PRRC2C: variants seen among roughly 807,000 people sequenced by gnomAD.
PRRC2C encodes the protein proline rich coiled-coil 2C.
A neutral mutation model predicts 317.2 loss-of-function variants in PRRC2C; 72 were observed. The ratio of observed to expected loss-of-function variants is 0.23; its 90% CI spans 0.19 to 0.28. PRRC2C has a LOEUF of 0.28. Among genes scored for constraint, PRRC2C ranks in the 10% least tolerant of loss-of-function variants. The pLI, the probability that PRRC2C is intolerant of heterozygous loss-of-function variation, is 1.00. For missense variants in PRRC2C, 3,074 were observed against 3,459.7 expected (o/e 0.89, Z 2.80); for synonymous variants, 1,296 against 1,205.9 (o/e 1.07, Z -1.55).
In PRRC2C at chr1:171,559,693, G is replaced by A. The variant is rs190388026; in HGVS notation, c.6032-1325G>A. 9.2e-4 allele frequency among the ~76,000 whole-genome samples: 139 copies of A among 151,794 alleles called. 1 individual carries two copies. The highest frequency in any genetic ancestry group is 1.1e-3 in the Non-Finnish European group (76 of 67,898). The stretch of plus-strand genomic sequence containing the variant: ...CACGTCACCATGCCTGGCTAATTTT[G>A]TATTTTTCATAGAGACGGGGTTTTG... On this transcript the variant is annotated intron_variant, in intron 19 of 34. Transcript: ENST00000647382.
chr1:171,486,161 A>G (rs1666049090), intron 1 of PRRC2C, among the ~76,000 whole-genome samples: 1 of 146,304 alleles, frequency 6.8e-6, no homozygotes, highest in Non-Finnish European at 1.5e-5. Context: ...CAAACAACTG[A>G]AGGACTCAGC....
At chr1:171,507,421 A>G (rs888463162) in intron 1 of PRRC2C, among the ~76,000 whole-genome samples, 8 of 152,050 alleles carry the variant, frequency 5.3e-5, no homozygotes, top group African/African-American at 1.9e-4. Flanking sequence ...GACCACCCTG[A>G]CCAACATGGT....
chr1:171,568,202 T>C, intron 22 of PRRC2C, 45 bp from the exon 23 acceptor site: 1 of 1,532,556 alleles, frequency 6.5e-7, no homozygotes, highest in South Asian at 1.2e-5. Flanking sequence ...AAGTGAGCAA[T>C]TAATTCAGTT....
chr1:171,524,792 T>C lies in PRRC2C; in HGVS notation c.1056-29T>C, dbSNP rs369595347. On this transcript the variant is annotated intron_variant, in intron 9 of 34. Coordinates refer to ENST00000647382, the MANE Select transcript of PRRC2C (RefSeq NM_001387844.1). ...TGTACTTATGATACAGTTGGTCCAC[T>C]TTATTTCTTCTGCATTTTGATTTTT... 78 of 1,526,604 alleles carry C rather than the reference T, an allele frequency of 5.1e-5. No individual in the cohort carries two copies. The African/African-American group carries it at 1.0e-3, about 21-fold the overall frequency. The allele number at this position is 1,526,604 out of a possible 1,614,324, so 94.6% of individuals were successfully genotyped here.
intron 24 of PRRC2C, among the ~76,000 whole-genome samples, chr1:171,572,848 A>G (rs1685015024): frequency 6.6e-6 from 1 of 152,226 alleles, no homozygotes; most frequent in East Asian, 1.9e-4. Context: ...TAACATTCCA[A>G]GAAGAAATAT....
intron 34 of PRRC2C, chr1:171,591,264 A>G: frequency 1.0e-6 from 1 of 969,914 alleles, no homozygotes; most frequent in Non-Finnish European, 1.3e-6. Flanking sequence ...ATTGATAACT[A>G]GAAGTTTTAA....
In PRRC2C at chr1:171,579,415, G is replaced by A. The variant is rs762368410; in HGVS notation, c.7221G>A (p.Leu2407=). 2.0e-5 allele frequency: 32 copies of A among 1,613,682 alleles called. No homozygotes were observed. The highest frequency in any genetic ancestry group is 1.0e-4 in the Admixed American group (6 of 60,006). The change falls in exon 27 of 35, where the codon TTG becomes TTA. Residue 2407 remains leucine (L), a synonymous_variant. Transcript: ENST00000647382. ...SHLFNTQHAR[L]APPSLAQQQG... is the part of the protein sequence containing the mutation. ...TATTCAATACCCAACATGCACGATT[G>A]GCTCCGCCATCCTTGGCTCAACAAC...
At chr1:171,563,352 ATTG>A (rs1305501260) in intron 20 of PRRC2C, among the ~76,000 whole-genome samples, 1 of 152,180 alleles carries the variant, frequency 6.6e-6, no homozygotes, top group Non-Finnish European at 1.5e-5. Flanking sequence ...TGCTATGTAA[ATTG>A]TTGTTATACC....
At chr1:171,549,593 A>T (rs1679802534) in intron 17 of PRRC2C, among the ~76,000 whole-genome samples, 1 of 151,760 alleles carries the variant, frequency 6.6e-6, no homozygotes, top group South Asian at 2.1e-4. Context: ...ACAGAGTCGC[A>T]CTCTGTCACC....
Position 171,542,183 on chromosome 1 carries a change from A to G in PRRC2C, c.4717A>G (p.Arg1573Gly). 6.3e-7 allele frequency: 1 copy of G among 1,592,396 alleles called. No homozygotes were observed. Among genetic ancestry groups the G allele is most frequent in the Non-Finnish European group, 8.5e-7 (1 of 1,171,236 alleles). Residue 1573 changes from arginine to glycine, a missense_variant, in exon 16 of 35, where the codon AGA (arginine) becomes GGA (glycine). By Grantham distance (125) the Arg-to-Gly change is moderately radical. Transcript: ENST00000647382. ...PKSGRNFSGP[R>G]NERRSGPPSK... ...ATCAGGAAGGAATTTCTCAGGTCCT[A>G]GAAATGAAAGGAGAAGTGGCCCACC...
At chr1:171,572,044 T>A (rs1229026143) in intron 24 of PRRC2C, among the ~76,000 whole-genome samples, 1 of 152,122 alleles carries the variant, frequency 6.6e-6, no homozygotes, top group African/African-American at 2.4e-5. Flanking sequence ...ATGTTAATGA[T>A]TTTTTACAGT....
chr1:171,554,981 C>T (rs1003804854), intron 18 of PRRC2C, among the ~76,000 whole-genome samples: 2 of 152,028 alleles, frequency 1.3e-5, no homozygotes, highest in Non-Finnish European at 2.9e-5. Context: ...TGGTGTTCTC[C>T]GTGTTTCCTG....
At chr1:171,543,080 A>G (rs1175296836) in intron 16 of PRRC2C, among the ~76,000 whole-genome samples, 2 of 149,364 alleles carry the variant, frequency 1.3e-5, no homozygotes, top group South Asian at 2.2e-4. Flanking sequence ...TTTTTTAACT[A>G]TTCAGATGTT....
intron 11 of PRRC2C, among the ~76,000 whole-genome samples, chr1:171,530,145 TG>T (rs1170940913): frequency 1.3e-5 from 2 of 151,842 alleles, no homozygotes; most frequent in Non-Finnish European, 2.9e-5. Flanking sequence ...GAAAAGCAGC[TG>T]GTCAGTTGGA....
chr1:171,514,015 C>T (rs888427937), intron 3 of PRRC2C, among the ~76,000 whole-genome samples: 5 of 152,134 alleles, frequency 3.3e-5, no homozygotes, highest in African/African-American at 1.2e-4. Context: ...TAAAACTGTA[C>T]ACCCTTTCAA....
At chr1:171,549,996 T>C (rs1247015161) in intron 17 of PRRC2C, 90 bp from the exon 18 acceptor site, 1 of 1,105,762 alleles carries the variant, frequency 9.0e-7, no homozygotes, top group Non-Finnish European at 1.2e-6. Context: ...CTAGTTTTTT[T>C]TTTTTTTTTA....
intron 11 of PRRC2C, among the ~76,000 whole-genome samples, chr1:171,528,527 G>A (rs961417686): frequency 2.0e-5 from 3 of 151,906 alleles, no homozygotes; most frequent in Non-Finnish European, 2.9e-5. Context: ...TCCTGACCTC[G>A]TGATCCGCCC....
At position 171,535,522 on chromosome 1, in the gene PRRC2C, A is replaced by G. The variant is rs1557939685; in HGVS notation, c.1968A>G (p.Gln656=). 2 of 1,613,862 alleles carry G rather than the reference A, an allele frequency of 1.2e-6. No homozygotes were observed. The highest frequency in any genetic ancestry group is 1.7e-5 in the Admixed American group (1 of 59,992). ...AAACAGAACCAGAATCAGGGTCTCA[A>G]CCTCGGCCGGCTGTATTATCTGGCT... ...VHETEPESGS[Q]PRPAVLSGYF... is the part of the protein sequence containing the mutation. Residue 656 remains glutamine, a synonymous_variant, in exon 13 of 35, where the codon CAA becomes CAG. Coordinates refer to ENST00000647382, the MANE Select transcript of PRRC2C (RefSeq NM_001387844.1).
intron 17 of PRRC2C, among the ~76,000 whole-genome samples, chr1:171,547,563 A>T (rs1210548393): frequency 2.0e-5 from 3 of 152,142 alleles, no homozygotes; most frequent in Admixed American, 1.3e-4. Context: ...AAAGGATTTT[A>T]AAAACAAGTA....
Sources: allele counts gnomAD v4.1 joint callset (sites outside exome capture counted in the v4.1 genomes callset), GRCh38; gene constraint gnomAD v4.1.1; transcripts MANE v1.5; gene names NCBI Gene and HGNC (gene_info 2026-07-23, HGNC 2026-07-21).